Variants in UNC5D observed in about 807,000 individuals in gnomAD.
UNC5D encodes netrin receptor UNC5D.
Under a neutral mutation model 105.4 loss-of-function variants are expected in UNC5D, and 39 were observed. That is an observed-to-expected ratio of 0.37 (90% CI 0.29 to 0.48). The LOEUF (loss-of-function observed/expected upper bound fraction) is 0.48. UNC5D is among the 20% of genes least tolerant of loss of function. The pLI is 0.98. For synonymous variants in UNC5D, 452 were observed against 450.4 expected, an observed-to-expected ratio of 1.00 and a Z score of -0.04; for missense variants, 991 against 1,202.4, an observed-to-expected ratio of 0.82 and a Z score of 2.60.
intron 16 of UNC5D, among the ~76,000 whole-genome samples, chr8:35,779,095 T>G (rs950467377): frequency 6.6e-6 from 1 of 152,236 alleles, no homozygotes; most frequent in African/African-American, 2.4e-5. Context: ...TCATACTTGC[T>G]GCATTTCAAA....
chr8:35,425,686 A>G (rs911252375), intron 1 of UNC5D, among the ~76,000 whole-genome samples: 41 of 152,232 alleles, frequency 2.7e-4, no homozygotes, highest in African/African-American at 8.4e-4. Flanking sequence ...CGTCTCTGTC[A>G]TCCTCTGGCA....
intron 1 of UNC5D, among the ~76,000 whole-genome samples, chr8:35,507,447 TGTAA>T (rs1277944797): frequency 6.6e-6 from 1 of 152,162 alleles, no homozygotes; most frequent in Non-Finnish European, 1.5e-5. Context: ...ATCTTTACCC[TGTAA>T]GTAAGAATCA....
Position 35,782,967 on chromosome 8 carries a change from T to C in UNC5D, c.2658-7392T>C, listed in dbSNP as rs112722417. ...CCTGGCAACATTGTGAGACCCCATA[T>C]CTACCAAAAATAATTTTTTAAAAAA... On this transcript the variant is annotated intron_variant, in intron 16 of 16. Transcript: ENST00000404895. Among the ~76,000 whole-genome samples the C allele has an allele frequency of 3.4e-3, 513 of 152,010 alleles. 1 individual carries two copies. Among genetic ancestry groups the C allele is most frequent in the Middle Eastern group, 6.8e-3 (2 of 292 alleles).
chr8:35,477,629 T>A lies in UNC5D; in HGVS notation c.104-71663T>A, dbSNP rs549716064. 1.6e-4 allele frequency among the ~76,000 whole-genome samples: 24 copies of A among 152,048 alleles called. No individual in the cohort carries two copies. The South Asian group carries it at 5.0e-3, about 32-fold the overall frequency. On this transcript the variant is annotated intron_variant, in intron 1 of 16. Coordinates refer to ENST00000404895, the MANE Select transcript of UNC5D (RefSeq NM_080872.4). Reference sequence around the variant, plus strand: ...AATCATGTGTGGCTACTAAGTAACATGGAAAGGAAAAAAAAATGTTTACAA... The same window carrying A: ...AATCATGTGTGGCTACTAAGTAACAAGGAAAGGAAAAAAAAATGTTTACAA...
chr8:35,723,308 C>G (rs948562074), intron 9 of UNC5D, among the ~76,000 whole-genome samples: 2 of 152,188 alleles, frequency 1.3e-5, no homozygotes, highest in African/African-American at 4.8e-5. Flanking sequence ...AGTACCTTCC[C>G]TCTTGCCATT....
At chr8:35,378,206 A>T (rs1021676141) in intron 1 of UNC5D, among the ~76,000 whole-genome samples, 4 of 152,220 alleles carry the variant, frequency 2.6e-5, no homozygotes, top group Non-Finnish European at 5.9e-5. Flanking sequence ...TGATGTACAC[A>T]TGATTTTTCA....
chr8:35,456,662 C>T (rs1165058761), intron 1 of UNC5D, among the ~76,000 whole-genome samples: 3 of 152,260 alleles, frequency 2.0e-5, no homozygotes, highest in East Asian at 1.9e-4. Flanking sequence ...AGTCAAGATC[C>T]ACTTGACCAT....
At chr8:35,363,821 G>A (rs997997860) in intron 1 of UNC5D, among the ~76,000 whole-genome samples, 1 of 152,028 alleles carries the variant, frequency 6.6e-6, no homozygotes, top group Non-Finnish European at 1.5e-5. Flanking sequence ...ATTAATTTTA[G>A]CATCTAGTGA....
chr8:35,549,645 A>G, intron 2 of UNC5D, 135 bp downstream of exon 2: 1 of 800,090 alleles, frequency 1.2e-6, no homozygotes, highest in East Asian at 2.7e-5. Context: ...CTCCCAGCAT[A>G]TAAGATGCAA....
chr8:35,632,693 A>G (rs954890033), intron 4 of UNC5D, among the ~76,000 whole-genome samples: 3 of 152,150 alleles, frequency 2.0e-5, no homozygotes, highest in African/African-American at 7.2e-5. Flanking sequence ...TGGTCAGTCC[A>G]ATGGCACACT....
intron 1 of UNC5D, among the ~76,000 whole-genome samples, chr8:35,450,357 AC>A: frequency 6.6e-6 from 1 of 152,256 alleles, no homozygotes; most frequent in East Asian, 1.9e-4. Context: ...AAAAAGATAG[AC>A]CACTGTATGC....
intron 1 of UNC5D, among the ~76,000 whole-genome samples, chr8:35,344,187 A>G (rs1811646394): frequency 1.3e-5 from 2 of 152,052 alleles, no homozygotes; most frequent in Non-Finnish European, 2.9e-5. Context: ...AATAAATGGC[A>G]ATGCTGGAAT....
intron 8 of UNC5D, among the ~76,000 whole-genome samples, chr8:35,720,024 C>T (rs1828488776): frequency 6.6e-6 from 1 of 152,196 alleles, no homozygotes; most frequent in African/African-American, 2.4e-5. Flanking sequence ...TGCAGGCATA[C>T]ATAGGGTTAT....
chr8:35,694,153 C>T (rs767745434), intron 7 of UNC5D, among the ~76,000 whole-genome samples: 1 of 152,134 alleles, frequency 6.6e-6, no homozygotes, highest in Admixed American at 6.6e-5. Flanking sequence ...ACCAGCTCGT[C>T]GGTGAGAGTG....
chr8:35,563,197 A>G (rs1817084581), intron 2 of UNC5D, among the ~76,000 whole-genome samples: 3 of 151,988 alleles, frequency 2.0e-5, no homozygotes, highest in African/African-American at 4.8e-5. Context: ...TGCTTTGTGT[A>G]GTATTGACAT....
At chr8:35,743,518 T>TC (rs543537764) in intron 11 of UNC5D, among the ~76,000 whole-genome samples, 143 of 150,544 alleles carry the variant, frequency 9.5e-4, no homozygotes, top group African/African-American at 2.7e-3. Context: ...CCTCGAGTGA[T>TC]CCCCCCCACC....
At chr8:35,397,066 C>A (rs1281109895) in intron 1 of UNC5D, among the ~76,000 whole-genome samples, 1 of 151,902 alleles carries the variant, frequency 6.6e-6, no homozygotes, top group East Asian at 2.0e-4. Flanking sequence ...GCCACCACAC[C>A]TGGCTAATTT....
At chr8:35,579,031 G>A (rs1401997474) in intron 3 of UNC5D, among the ~76,000 whole-genome samples, 1 of 152,108 alleles carries the variant, frequency 6.6e-6, no homozygotes, top group Non-Finnish European at 1.5e-5. Flanking sequence ...CCTGGAAGAT[G>A]GCCATTTCCA....
At chr8:35,579,853 C>T (rs1818356524) in intron 3 of UNC5D, among the ~76,000 whole-genome samples, 1 of 152,190 alleles carries the variant, frequency 6.6e-6, no homozygotes, top group East Asian at 1.9e-4. Context: ...TCAACCCTCC[C>T]ATTCACTGCT....
Sources: gnomAD v4.1 joint callset for allele counts (sites outside exome capture counted in the v4.1 genomes callset) on GRCh38, gnomAD v4.1.1 for gene constraint, MANE v1.5 for transcripts, NCBI Gene and HGNC (gene_info 2026-07-23, HGNC 2026-07-21) for gene names.